Variants in NXPH1 observed in about 807,000 individuals in gnomAD.
NXPH1 encodes neurexophilin 1.
In NXPH1, 5 loss-of-function variants were observed where a neutral mutation model predicts 23.7. The observed-to-expected ratio is 0.21, with a 90% confidence interval of 0.11 to 0.44. The LOEUF is 0.44. Ranked by LOEUF, NXPH1 falls within the 20% of genes least tolerant of loss-of-function variation. The pLI is 0.99. For missense variants in NXPH1, 324 were observed against 321.6 expected (o/e 1.01, Z -0.06); for synonymous variants, 144 against 122.2 (o/e 1.18, Z -1.18).
intron 2 of NXPH1, among the ~76,000 whole-genome samples, chr7:8,734,034 C>G (rs1447320217): frequency 6.6e-6 from 1 of 152,022 alleles, no homozygotes. Flanking sequence ...TTAATCCATA[C>G]TGAGTTAATT....
intron 2 of NXPH1, among the ~76,000 whole-genome samples, chr7:8,539,539 G>A (rs1303700303): frequency 2.0e-5 from 3 of 151,806 alleles, no homozygotes; most frequent in African/African-American, 7.3e-5. Flanking sequence ...CTTTTAAAAT[G>A]CTTATCAAGA....
At chr7:8,480,284 G>T (rs1290334385) in intron 2 of NXPH1, among the ~76,000 whole-genome samples, 1 of 152,126 alleles carries the variant, frequency 6.6e-6, no homozygotes, top group Non-Finnish European at 1.5e-5. Flanking sequence ...GAGAAAAAAA[G>T]GTTGGATGGA....
chr7:8,732,551 C>T (rs1489187719), intron 2 of NXPH1, among the ~76,000 whole-genome samples: 1 of 152,194 alleles, frequency 6.6e-6, no homozygotes, highest in East Asian at 1.9e-4. Context: ...TCTGTATTTA[C>T]TGACAAAATG....
chr7:8,679,992 G>A (rs1268896639), intron 2 of NXPH1, among the ~76,000 whole-genome samples: 1 of 152,374 alleles, frequency 6.6e-6, no homozygotes, highest in South Asian at 2.1e-4. Flanking sequence ...TTGCACTCCA[G>A]ACTGGGCAAC....
At chr7:8,741,989 T>C (rs1451903160) in intron 2 of NXPH1, among the ~76,000 whole-genome samples, 4 of 151,980 alleles carry the variant, frequency 2.6e-5, no homozygotes, top group Non-Finnish European at 5.9e-5. Context: ...TGAAAAAGAG[T>C]CTAACACATC....
intron 2 of NXPH1, among the ~76,000 whole-genome samples, chr7:8,591,824 G>T (rs950565577): frequency 3.7e-4 from 56 of 149,984 alleles, no homozygotes; most frequent in African/African-American, 1.3e-3. Context: ...GGTTGAAAGG[G>T]AGGGTGAAAG....
intron 2 of NXPH1, among the ~76,000 whole-genome samples, chr7:8,747,045 T>TAA (rs1377220569): frequency 6.6e-6 from 1 of 152,184 alleles, no homozygotes; most frequent in African/African-American, 2.4e-5. Context: ...TTGAACAGTG[T>TAA]TCCAGGTACT....
chr7:8,541,189 A>T (rs895452533), intron 2 of NXPH1, among the ~76,000 whole-genome samples: 1 of 151,776 alleles, frequency 6.6e-6, no homozygotes, highest in African/African-American at 2.4e-5. Flanking sequence ...ACTCTATCCC[A>T]TATGTTCAAA....
At chr7:8,488,579 T>A (rs1817200070) in intron 2 of NXPH1, among the ~76,000 whole-genome samples, 1 of 152,162 alleles carries the variant, frequency 6.6e-6, no homozygotes, top group African/African-American at 2.4e-5. Flanking sequence ...AATGGGAATT[T>A]TATTTTGTGC....
chr7:8,674,160 T>C (rs1480707660), intron 2 of NXPH1, among the ~76,000 whole-genome samples: 2 of 119,284 alleles, frequency 1.7e-5, no homozygotes, highest in East Asian at 2.4e-4. Context: ...TACAAACATA[T>C]AGACACACAC....
chr7:8,743,657 A>G (rs1780407680), intron 2 of NXPH1, among the ~76,000 whole-genome samples: 1 of 151,710 alleles, frequency 6.6e-6, no homozygotes. Flanking sequence ...GAGGAGCTAG[A>G]GCAAAGTGTG....
At chr7:8,550,544 C>T (rs1818262389) in intron 2 of NXPH1, among the ~76,000 whole-genome samples, 1 of 151,396 alleles carries the variant, frequency 6.6e-6, no homozygotes, top group Admixed American at 6.6e-5. Context: ...TTCTGTTTTT[C>T]ATTGACTTTT....
intron 2 of NXPH1, among the ~76,000 whole-genome samples, chr7:8,695,819 T>G (rs1035550133): frequency 6.6e-6 from 1 of 152,204 alleles, no homozygotes; most frequent in East Asian, 1.9e-4. Context: ...GCTTACCCTC[T>G]GCAGTGAAAT....
intron 2 of NXPH1, among the ~76,000 whole-genome samples, chr7:8,485,798 G>T (rs1024615732): frequency 1.3e-5 from 2 of 152,142 alleles, no homozygotes; most frequent in Non-Finnish European, 2.9e-5. Context: ...TTCCTGAAGA[G>T]AACATTTTGG....
chr7:8,692,845 G>T (rs1821242715), intron 2 of NXPH1, among the ~76,000 whole-genome samples: 1 of 152,180 alleles, frequency 6.6e-6, no homozygotes, highest in Admixed American at 6.5e-5. Context: ...TTGTTAGGTA[G>T]ATGAAATGAC....
At chr7:8,634,884 A>G in intron 2 of NXPH1, among the ~76,000 whole-genome samples, 1 of 151,612 alleles carries the variant, frequency 6.6e-6, no homozygotes, top group East Asian at 1.9e-4. Flanking sequence ...AGATGTTTCA[A>G]CTCCTTCACA....
chr7:8,716,409 A>G (rs1234883705), intron 2 of NXPH1, among the ~76,000 whole-genome samples: 1 of 152,188 alleles, frequency 6.6e-6, no homozygotes, highest in Admixed American at 6.5e-5. Context: ...GAAAAACGGC[A>G]CCAATATTGT....
chr7:8,558,380 A>G (rs6958180), intron 2 of NXPH1, among the ~76,000 whole-genome samples: 19,724 of 151,610 alleles, frequency 0.13, 1,988 homozygotes, highest in African/African-American at 0.28. Flanking sequence ...ATCCTGTTAG[A>G]CTTGAAGAGT....
chr7:8,704,139 A>G (rs982447008), intron 2 of NXPH1, among the ~76,000 whole-genome samples: 8 of 152,050 alleles, frequency 5.3e-5, no homozygotes, highest in African/African-American at 1.9e-4. Flanking sequence ...TTGTGATTTC[A>G]TGTTTTAGTT....
Sources: allele counts gnomAD v4.1 joint callset (sites outside exome capture counted in the v4.1 genomes callset), GRCh38; gene constraint gnomAD v4.1.1; transcripts MANE v1.5; gene names NCBI Gene and HGNC (gene_info 2026-07-23, HGNC 2026-07-21).